CHCHD6: variants seen among roughly 807,000 people sequenced by gnomAD.
CHCHD6 encodes the protein coiled-coil-helix-coiled-coil-helix domain containing 6.
CHCHD6 carries 28 observed loss-of-function variants against 32.3 expected under a neutral mutation model. That is an observed-to-expected ratio of 0.87 (90% CI 0.64 to 1.19). The LOEUF is 1.19. Among genes scored for constraint, CHCHD6 ranks in the 50% most tolerant of loss-of-function variants. CHCHD6 has a pLI of 0.00. For synonymous variants in CHCHD6, 122 were observed against 117.5 expected, an observed-to-expected ratio of 1.04 and a Z score of -0.25; for missense variants, 333 against 307.0, an observed-to-expected ratio of 1.08 and a Z score of -0.63.
chr3:126,910,287 C>CAAAAAAAAAAAAAACA (rs1158847805), intron 5 of CHCHD6, among the ~76,000 whole-genome samples: 1 of 145,696 alleles, frequency 6.9e-6, no homozygotes, highest in Non-Finnish European at 1.5e-5. Flanking sequence ...AAAAAAAAAA[C>CAAAAAAAAAAAAAACA]AAAAAAAACA....
chr3:126,793,192 A>G (rs1274699615), intron 4 of CHCHD6, among the ~76,000 whole-genome samples: 4 of 152,034 alleles, frequency 2.6e-5, no homozygotes, highest in Non-Finnish European at 2.9e-5. Flanking sequence ...TTTAATTGGT[A>G]TGTTTATACC....
intron 4 of CHCHD6, among the ~76,000 whole-genome samples, chr3:126,801,729 C>T (rs1939080439): frequency 6.6e-6 from 1 of 152,218 alleles, no homozygotes; most frequent in African/African-American, 2.4e-5. Flanking sequence ...CAGCACGCAG[C>T]TGGAGATCTG....
chr3:126,881,550 C>G lies in CHCHD6; in HGVS notation c.495+28820C>G, dbSNP rs547426997. Among the ~76,000 whole-genome samples, 11 of 152,308 alleles carry G rather than the reference C, an allele frequency of 7.2e-5. No homozygotes were observed. In the South Asian group the frequency reaches 2.3e-3, roughly 32 times the overall value. Reference sequence around the variant, plus strand: ...GAAAAGGTGTAAGAGAGCTGACCCTCATTGCCCATCATGAGAAATTAATCA... The same window carrying G: ...GAAAAGGTGTAAGAGAGCTGACCCTGATTGCCCATCATGAGAAATTAATCA... On this transcript the variant is annotated intron_variant, in intron 5 of 7. Coordinates refer to ENST00000290913, the MANE Select transcript of CHCHD6 (RefSeq NM_032343.3).
chr3:126,739,920 G>A (rs1368680588), intron 4 of CHCHD6, among the ~76,000 whole-genome samples: 1 of 152,172 alleles, frequency 6.6e-6, no homozygotes, highest in Non-Finnish European at 1.5e-5. Flanking sequence ...TGTAGTTTTT[G>A]ATTGGTGCTG....
In CHCHD6 at chr3:126,956,600, CGAGAGAGAGAGA is replaced by C. The variant is rs58750065; in HGVS notation, c.567-799_567-788del. Among the ~76,000 whole-genome samples, 24 of 149,704 alleles carry C rather than the reference CGAGAGAGAGAGA, an allele frequency of 1.6e-4. No individual in the cohort carries two copies. In the South Asian group the frequency reaches 2.3e-3, roughly 15 times the overall value. ...GCTGTTGTGTGTGTCAGTGTGCGCA[CGAGAGAGAGAGA>C]GAGAGAGAGAGAGAGAAATCTGGAA... On this transcript the variant is annotated intron_variant, in intron 6 of 7. Coordinates refer to ENST00000290913, the MANE Select transcript of CHCHD6 (RefSeq NM_032343.3).
intron 4 of CHCHD6, among the ~76,000 whole-genome samples, chr3:126,846,349 A>G (rs1359272167): frequency 2.0e-5 from 3 of 152,236 alleles, no homozygotes; most frequent in Non-Finnish European, 4.4e-5. Context: ...TTGGGCAAAC[A>G]ATAGGGTAAC....
intron 5 of CHCHD6, among the ~76,000 whole-genome samples, chr3:126,871,916 C>T (rs1231294426): frequency 6.6e-5 from 10 of 152,096 alleles, no homozygotes; most frequent in East Asian, 3.9e-4. Context: ...CCGCCTTCCT[C>T]GGCCTCCCAA....
At chr3:126,960,016 A>T (rs982891173) in intron 7 of CHCHD6, among the ~76,000 whole-genome samples, 180 bp from the exon 8 acceptor site, 7 of 151,994 alleles carry the variant, frequency 4.6e-5, no homozygotes, top group Admixed American at 1.3e-4. Flanking sequence ...GTTGCTGGGG[A>T]CTGTGCTGGG....
chr3:126,864,557 TCCTCCTTCTCCACCA>T (rs1019178100), intron 5 of CHCHD6, among the ~76,000 whole-genome samples: 1 of 139,206 alleles, frequency 7.2e-6, no homozygotes, highest in South Asian at 2.5e-4. Flanking sequence ...CTCCTCCTCC[TCCTCCTTCTCCACCA>T]CCTCCTTCTC....
intron 7 of CHCHD6, 46 bp from the exon 8 acceptor site, chr3:126,960,150 T>TG (rs1559945018): frequency 1.3e-6 from 2 of 1,550,926 alleles, no homozygotes; most frequent in Non-Finnish European, 1.7e-6. Context: ...CTGGAGGGCA[T>TG]GGGCGGAGTG....
At chr3:126,935,001 A>G in intron 6 of CHCHD6, 1 of 322,240 alleles carries the variant, frequency 3.1e-6, no homozygotes, top group Non-Finnish European at 4.5e-6. Context: ...CTGGACGAGA[A>G]GACAGTTTTT....
At chr3:126,893,463 A>G (rs79314345) in intron 5 of CHCHD6, among the ~76,000 whole-genome samples, 2,290 of 152,328 alleles carry the variant, frequency 0.015, 33 homozygotes, top group Non-Finnish European at 0.023. Flanking sequence ...GGCCTCCTTG[A>G]ATGAGGTCAA....
At chr3:126,865,988 A>G (rs944833455) in intron 5 of CHCHD6, among the ~76,000 whole-genome samples, 1 of 152,172 alleles carries the variant, frequency 6.6e-6, no homozygotes, top group African/African-American at 2.4e-5. Context: ...AAGACCTGTC[A>G]GTTAGGTTTC....
rs182216624 is a variant in CHCHD6 at position 126,845,926 on chromosome 3, C to T, written c.412-6721C>T. ...TTTTTTCAGAACTCTGAAAATTGATCAAAGGCTTGCAGCAATCCAGGAGCA... is the reference window on the plus strand; with the variant it reads ...TTTTTTCAGAACTCTGAAAATTGATTAAAGGCTTGCAGCAATCCAGGAGCA... On this transcript the variant is annotated intron_variant, in intron 4 of 7. Coordinates refer to ENST00000290913, the MANE Select transcript of CHCHD6 (RefSeq NM_032343.3). 6.1e-3 allele frequency among the ~76,000 whole-genome samples: 929 copies of T among 152,188 alleles called. 9 individuals are homozygous for T. The highest frequency in any genetic ancestry group is 0.021 in the African/African-American group (888 of 41,506).
At chr3:126,791,291 G>A (rs921639135) in intron 4 of CHCHD6, among the ~76,000 whole-genome samples, 3 of 152,254 alleles carry the variant, frequency 2.0e-5, no homozygotes, top group African/African-American at 7.2e-5. Flanking sequence ...TGAGGAGGCA[G>A]TCTGTCCATT....
intron 2 of CHCHD6, among the ~76,000 whole-genome samples, chr3:126,729,682 C>T (rs1355866040): frequency 2.0e-5 from 3 of 152,148 alleles, no homozygotes; most frequent in Non-Finnish European, 4.4e-5. Context: ...CGAGTAGTCA[C>T]AGCTGATGCT....
At chr3:126,740,471 C>G (rs1936245748) in intron 4 of CHCHD6, among the ~76,000 whole-genome samples, 1 of 152,152 alleles carries the variant, frequency 6.6e-6, no homozygotes, top group Non-Finnish European at 1.5e-5. Flanking sequence ...TGTTTGTTGT[C>G]ATCACCTTTA....
intron 5 of CHCHD6, among the ~76,000 whole-genome samples, chr3:126,858,325 A>G (rs1449150127): frequency 2.0e-5 from 3 of 150,746 alleles, no homozygotes; most frequent in African/African-American, 4.9e-5. Flanking sequence ...AGGGGTGGGT[A>G]AGGCTTCCTT....
At chr3:126,910,544 C>A (rs2078074815) in intron 5 of CHCHD6, among the ~76,000 whole-genome samples, 1 of 152,204 alleles carries the variant, frequency 6.6e-6, no homozygotes, top group African/African-American at 2.4e-5. Flanking sequence ...TTCTGCTCAT[C>A]CTTTAAAATT....
Sources: allele counts gnomAD v4.1 joint callset (sites outside exome capture counted in the v4.1 genomes callset), GRCh38; gene constraint gnomAD v4.1.1; transcripts MANE v1.5; gene names NCBI Gene and HGNC (gene_info 2026-07-23, HGNC 2026-07-21).